DNAJC16: variants seen among roughly 807,000 people sequenced by gnomAD.
DNAJC16 encodes dnaJ homolog subfamily C member 16.
Under a neutral mutation model 92.7 loss-of-function variants are expected in DNAJC16, and 76 were observed. The ratio of observed to expected loss-of-function variants is 0.82; its 90% CI spans 0.68 to 0.99. The LOEUF is 0.99. Ranked by LOEUF, DNAJC16 falls within the 50% of genes least tolerant of loss-of-function variation. The probability of loss-of-function intolerance (pLI) is 0.00; values close to 1 mark genes in which losing one functional copy is unlikely to be tolerated. For missense variants in DNAJC16, 869 were observed against 942.4 expected (o/e 0.92, Z 1.02); for synonymous variants, 328 against 358.7 (o/e 0.91, Z 0.97).
intron 4 of DNAJC16, among the ~76,000 whole-genome samples, chr1:15,539,528 G>C (rs900963090): frequency 6.6e-6 from 1 of 151,316 alleles, no homozygotes; most frequent in Non-Finnish European, 1.5e-5. Context: ...TTACAGGTGT[G>C]AGCCACCACG....
chr1:15,546,243 G>C (rs1249334631), intron 5 of DNAJC16, among the ~76,000 whole-genome samples: 1 of 152,158 alleles, frequency 6.6e-6, no homozygotes, highest in Non-Finnish European at 1.5e-5. Context: ...AGGTTTGGGA[G>C]GTTGAGGGTG....
intron 7 of DNAJC16, among the ~76,000 whole-genome samples, chr1:15,553,321 G>A (rs1043763957): frequency 4.0e-5 from 6 of 151,806 alleles, no homozygotes; most frequent in African/African-American, 1.5e-4. Context: ...TGCAACCTCC[G>A]CCTCCCGGGT....
In DNAJC16 at chr1:15,534,302, AG is replaced by A. The variant is rs1391602152; in HGVS notation, c.234+1del. 27 of 1,613,904 alleles carry A rather than the reference AG, an allele frequency of 1.7e-5. No homozygotes were observed. The highest frequency in any genetic ancestry group is 2.2e-5 in the Non-Finnish European group (26 of 1,179,954). On this transcript the variant is annotated frameshift_variant and splice_region_variant, in exon 3 of 15. Transcript: ENST00000375847. LOFTEE classifies it high-confidence loss of function. ...DKFIQISKAY[E>X]ILSNEEKRSN... The stretch of plus-strand genomic sequence containing the variant: ...TTCATTCAAATCAGTAAGGCTTACG[AG>A]GTATCGTGTCCAGCTTTGTGATGCA...
chr1:15,540,020 C>CT (rs1710896512), intron 4 of DNAJC16, among the ~76,000 whole-genome samples: 2 of 151,740 alleles, frequency 1.3e-5, no homozygotes, highest in Non-Finnish European at 2.9e-5. Context: ...GAGCAAAACT[C>CT]TGTCTCAAAA....
At chr1:15,528,696 A>C (rs564934685) in intron 1 of DNAJC16, among the ~76,000 whole-genome samples, 1 of 152,332 alleles carries the variant, frequency 6.6e-6, no homozygotes, top group South Asian at 2.1e-4. Context: ...GTATTCTTAA[A>C]CCATTTATTT....
chr1:15,538,539 G>A (rs1483450163), intron 4 of DNAJC16, among the ~76,000 whole-genome samples: 1 of 152,006 alleles, frequency 6.6e-6, no homozygotes, highest in African/African-American at 2.4e-5. Flanking sequence ...CCAAAATGCT[G>A]AAACTCTGTC....
At chr1:15,533,241 T>TAATCCC (rs1168839773) in intron 2 of DNAJC16, among the ~76,000 whole-genome samples, 1 of 152,202 alleles carries the variant, frequency 6.6e-6, no homozygotes, top group Non-Finnish European at 1.5e-5. Context: ...CTCACACCTG[T>TAATCCC]AATCCCAGCA....
Position 15,536,626 on chromosome 1 carries a change from C to T in DNAJC16, c.386C>T (p.Pro129Leu). Residue 129 changes from proline (P) to leucine (L), a missense_variant, in exon 4 of 15, where the codon CCT becomes CTT. Transcript: ENST00000375847. ...TTTGATGAATCCTTTTTTCACTTCC[C>T]TTTTAATTCTGAACGGCGGGACTCA... ...FYFDESFFHF[P>L]FNSERRDSID... 6.2e-7 allele frequency: 1 copy of T among 1,614,066 alleles called. No homozygotes were observed. The highest frequency in any genetic ancestry group is 8.5e-7 in the Non-Finnish European group (1 of 1,180,018).
At position 15,548,371 on chromosome 1, in the gene DNAJC16, C is replaced by T. The variant is rs572590367; in HGVS notation, c.966C>T (p.Tyr322=). ...EMTRRYNINI[Y]APTLLVFKEH... ...CAAGGCGGTACAACATCAATATCTACGCCCCTACCCTCTTGGTCTTTAAAG... is the reference window on the plus strand; with the variant it reads ...CAAGGCGGTACAACATCAATATCTATGCCCCTACCCTCTTGGTCTTTAAAG... The change falls in exon 7 of 15, where the codon TAC becomes TAT. Residue 322 remains tyrosine, a synonymous_variant. Transcript: ENST00000375847. 49 of 1,614,148 alleles carry T rather than the reference C, an allele frequency of 3.0e-5. No individual in the cohort carries two copies. The highest frequency in any genetic ancestry group is 8.3e-5 in the Admixed American group (5 of 60,022).
intron 7 of DNAJC16, among the ~76,000 whole-genome samples, chr1:15,550,431 A>G (rs1638419027): frequency 6.6e-6 from 1 of 152,214 alleles, no homozygotes; most frequent in Non-Finnish European, 1.5e-5. Flanking sequence ...CAGGTGGCTT[A>G]ATGATCACTA....
rs112672068 is a variant in DNAJC16, at chr1:15,562,568, C to T, written c.1338+243C>T. 9.4e-3 allele frequency among the ~76,000 whole-genome samples: 1,434 copies of T among 151,846 alleles called. 22 individuals are homozygous for T. Among genetic ancestry groups the T allele is most frequent in the African/African-American group, 0.032 (1,314 of 41,352 alleles). On this transcript the variant is annotated intron_variant, in intron 9 of 14. Coordinates refer to ENST00000375847, the MANE Select transcript of DNAJC16 (RefSeq NM_015291.4). ...TGACATGATCTCAGCTCATTACAGC[C>T]TCGACCTCCCAGGCTCAAGTGATCC...
chr1:15,538,394 C>CA lies in DNAJC16; in HGVS notation c.574+1582dup, dbSNP rs1267496621. Among the ~76,000 whole-genome samples the CA allele has an allele frequency of 5.6e-4, 83 of 148,844 alleles. 1 individual carries two copies. The highest frequency in any genetic ancestry group is 2.0e-3 in the African/African-American group (81 of 40,222). On this transcript the variant is annotated intron_variant, in intron 4 of 14. Transcript: ENST00000375847. ...TGGGTGACAGAGCGAGACTCTGTCT[C>CA]AAGAAAAAAAAATAAAAAGAAAAAA... is the stretch of plus-strand genomic sequence containing the variant.
chr1:15,548,248 CCTCT>C lies in DNAJC16; in HGVS notation c.865-19_865-16del, dbSNP rs1379506793. On this transcript the variant is annotated intron_variant, in intron 6 of 14. Transcript: ENST00000375847. ...ATCTTTGCTGTAGTTTTATTTTCTT[CCTCT>C]CTATTATGCCCTAACAGTTGACTGC... 3 of 1,604,702 alleles carry C rather than the reference CCTCT, an allele frequency of 1.9e-6. No homozygotes were observed. The highest frequency in any genetic ancestry group is 1.1e-5 in the South Asian group (1 of 89,608).
intron 3 of DNAJC16, among the ~76,000 whole-genome samples, chr1:15,535,455 A>T (rs968948955): frequency 2.0e-5 from 3 of 152,212 alleles, no homozygotes; most frequent in South Asian, 4.1e-4. Context: ...TGCATTTAGA[A>T]TATCTAATCG....
At chr1:15,543,551 T>C (rs751124291) in intron 4 of DNAJC16, among the ~76,000 whole-genome samples, 37 of 152,258 alleles carry the variant, frequency 2.4e-4, no homozygotes, top group Non-Finnish European at 5.1e-4. Context: ...CTGAAATGGG[T>C]CTTTGCAGGG....
intron 4 of DNAJC16, chr1:15,542,168 C>T (rs1710946436): frequency 1.3e-5 from 2 of 152,204 alleles, no homozygotes; most frequent in Admixed American, 6.5e-5. Context: ...TGAACTCTGG[C>T]TCGGTTTCCT....
intron 2 of DNAJC16, among the ~76,000 whole-genome samples, chr1:15,530,024 TA>T (rs1479213657): frequency 6.6e-6 from 1 of 152,062 alleles, no homozygotes; most frequent in East Asian, 1.9e-4. Context: ...TTTTTAAAAA[TA>T]TTTTTGAATA....
intron 3 of DNAJC16, among the ~76,000 whole-genome samples, chr1:15,535,645 G>A (rs1444604418): frequency 6.6e-6 from 1 of 152,126 alleles, no homozygotes; most frequent in Admixed American, 6.5e-5. Flanking sequence ...TGAGATGGAA[G>A]GTTGACCCTG....
At chr1:15,539,809 C>G (rs939955147) in intron 4 of DNAJC16, among the ~76,000 whole-genome samples, 1 of 152,040 alleles carries the variant, frequency 6.6e-6, no homozygotes, top group African/African-American at 2.4e-5. Flanking sequence ...GCACAGATCA[C>G]TTGAGGTCAG....
Sources: allele counts gnomAD v4.1 joint callset (sites outside exome capture counted in the v4.1 genomes callset), GRCh38; gene constraint gnomAD v4.1.1; transcripts MANE v1.5; gene names NCBI Gene and HGNC (gene_info 2026-07-23, HGNC 2026-07-21).